APP: variants seen among roughly 807,000 people sequenced by gnomAD.
APP encodes the protein amyloid beta precursor protein.
A neutral mutation model predicts 101.4 loss-of-function variants in APP; 31 were observed. The observed-to-expected ratio is 0.31, with a 90% confidence interval of 0.23 to 0.41. APP has a LOEUF of 0.41. Among genes scored for constraint, APP ranks in the 10% least tolerant of loss-of-function variants. The pLI is 1.00. For synonymous variants in APP, 366 were observed against 364.4 expected, an observed-to-expected ratio of 1.00 and a Z score of -0.05; for missense variants, 839 against 1,003.7, an observed-to-expected ratio of 0.84 and a Z score of 2.22.
chr21:26,016,221 C>T (rs1424907886), intron 6 of APP, among the ~76,000 whole-genome samples: 4 of 152,012 alleles, frequency 2.6e-5, no homozygotes, highest in Admixed American at 6.6e-5. Flanking sequence ...TTAGTGAAGA[C>T]GGGGTTTCAC....
rs1320589856 is a variant in APP at position 25,911,844 on chromosome 21, G to A, written c.1806C>T (p.Thr602=). The change falls in exon 14 of 18, where the codon ACC becomes ACT. Residue 602 remains threonine, a synonymous_variant. Coordinates refer to ENST00000346798, the MANE Select transcript of APP (RefSeq NM_000484.4). ...CATTCACGGGAAGGAGCTCCACGGT[G>A]GTTTTCGTTTCGGTCAAAGATGGCA... ...ALMPSLTETK[T]TVELLPVNGE... 4 of 1,614,006 alleles carry A rather than the reference G, an allele frequency of 2.5e-6. No homozygotes were observed. The highest frequency in any genetic ancestry group is 1.7e-5 in the Admixed American group (1 of 59,994).
chr21:26,026,706 C>T (rs929471650), intron 5 of APP, among the ~76,000 whole-genome samples: 1 of 152,110 alleles, frequency 6.6e-6, no homozygotes, highest in African/African-American at 2.4e-5. Flanking sequence ...AAGAGAGGGT[C>T]GAACAGGAGG....
At chr21:26,055,856 C>T (rs991810891) in intron 3 of APP, among the ~76,000 whole-genome samples, 21 of 152,118 alleles carry the variant, frequency 1.4e-4, no homozygotes, top group Non-Finnish European at 5.9e-5. Flanking sequence ...CAGATACACT[C>T]GACCTTGGCC....
At position 25,918,540 on chromosome 21, in the gene APP, G is replaced by A. The variant is rs1394127709; in HGVS notation, c.1688-6578C>T. ...TGGGTGCGTGCACCGTGCGCGAGCC[G>A]AAGCAGGGCGAGGCATTGCCTCACC... On this transcript the variant is annotated intron_variant, in intron 13 of 17. Coordinates refer to ENST00000346798, the MANE Select transcript of APP (RefSeq NM_000484.4). Among the ~76,000 whole-genome samples, 5 of 152,154 alleles carry A rather than the reference G, an allele frequency of 3.3e-5. No homozygotes were observed. The East Asian group carries it at 7.7e-4, about 24-fold the overall frequency.
At chr21:26,064,925 C>T (rs2146011882) in intron 3 of APP, among the ~76,000 whole-genome samples, 1 of 152,328 alleles carries the variant, frequency 6.6e-6, no homozygotes, top group East Asian at 1.9e-4. Context: ...GTGATCTTGG[C>T]TCACTGCAAC....
chr21:26,015,353 AATTT>A (rs2044005874), intron 6 of APP, among the ~76,000 whole-genome samples: 1 of 152,218 alleles, frequency 6.6e-6, no homozygotes, highest in Non-Finnish European at 1.5e-5. Flanking sequence ...TAAATTAATT[AATTT>A]AATCCTCACA....
chr21:25,926,890 C>A (rs1444196939), intron 13 of APP, among the ~76,000 whole-genome samples: 2 of 150,304 alleles, frequency 1.3e-5, no homozygotes, highest in Non-Finnish European at 2.9e-5. Flanking sequence ...GTAGTCCCAG[C>A]TACTCGGGAG....
chr21:26,131,562 T>G (rs1253402416), intron 1 of APP, among the ~76,000 whole-genome samples: 1 of 152,134 alleles, frequency 6.6e-6, no homozygotes, highest in Non-Finnish European at 1.5e-5. Context: ...AATAAGAAAA[T>G]TTATACTATA....
At chr21:25,954,793 C>A in intron 12 of APP, 104 bp from the exon 13 acceptor site, 1 of 973,702 alleles carries the variant, frequency 1.0e-6, no homozygotes, top group South Asian at 1.4e-5. Context: ...CTCGCTCTGT[C>A]GCCCAGGTTA....
At chr21:25,986,423 C>T (rs753969074) in intron 8 of APP, among the ~76,000 whole-genome samples, 1 of 152,082 alleles carries the variant, frequency 6.6e-6, no homozygotes, top group Admixed American at 6.6e-5. Flanking sequence ...GCTAGGATTT[C>T]GGCCGGATGG....
intron 14 of APP, among the ~76,000 whole-genome samples, chr21:25,907,939 T>A (rs1369192210): frequency 1.3e-5 from 2 of 150,466 alleles, no homozygotes; most frequent in African/African-American, 5.0e-5. Context: ...ATTTTGCAAA[T>A]ACATCCATAC....
At chr21:25,966,065 A>G (rs1568774200) in intron 11 of APP, among the ~76,000 whole-genome samples, 1 of 152,172 alleles carries the variant, frequency 6.6e-6, no homozygotes, top group South Asian at 2.1e-4. Flanking sequence ...CCTTCCCAAC[A>G]TACTTCTTAA....
chr21:25,955,312 G>A (rs140974575), intron 12 of APP, among the ~76,000 whole-genome samples: 1 of 152,248 alleles, frequency 6.6e-6, no homozygotes, highest in African/African-American at 2.4e-5. Flanking sequence ...CCATACTTCA[G>A]TTGAACCAGT....
chr21:25,992,775 T>C (rs1009858050), intron 8 of APP, among the ~76,000 whole-genome samples: 1 of 152,234 alleles, frequency 6.6e-6, no homozygotes, highest in Non-Finnish European at 1.5e-5. Flanking sequence ...TCACATCTTT[T>C]AATGCTTTAA....
At chr21:26,170,503 T>G in intron 1 of APP, 61 bp downstream of exon 1, 1 of 1,506,756 alleles carries the variant, frequency 6.6e-7, no homozygotes, top group Non-Finnish European at 8.9e-7. Flanking sequence ...GGTTAAGGTC[T>G]TGGGGGGTAT....
chr21:26,146,965 T>C (rs892531956), intron 1 of APP, among the ~76,000 whole-genome samples: 3 of 152,214 alleles, frequency 2.0e-5, no homozygotes, highest in African/African-American at 7.2e-5. Flanking sequence ...ATCTTTCCCC[T>C]TTCTGATGTA....
At chr21:26,152,146 G>T (rs929794037) in intron 1 of APP, among the ~76,000 whole-genome samples, 1 of 151,782 alleles carries the variant, frequency 6.6e-6, no homozygotes, top group African/African-American at 2.4e-5. Flanking sequence ...TTAGCCGGGC[G>T]TGGTGGCGGG....
intron 5 of APP, among the ~76,000 whole-genome samples, chr21:26,040,960 T>C (rs2146862839): frequency 6.6e-6 from 1 of 152,308 alleles, no homozygotes. Context: ...CCTAGTAAAC[T>C]AAAAGTGTTA....
At chr21:26,030,670 A>T (rs573174641) in intron 5 of APP, among the ~76,000 whole-genome samples, 1 of 152,330 alleles carries the variant, frequency 6.6e-6, no homozygotes, top group East Asian at 1.9e-4. Flanking sequence ...TGAACCAACT[A>T]GAATTAAGGA....
Sources: gnomAD v4.1 joint callset for allele counts (sites outside exome capture counted in the v4.1 genomes callset) on GRCh38, gnomAD v4.1.1 for gene constraint, MANE v1.5 for transcripts, NCBI Gene and HGNC (gene_info 2026-07-23, HGNC 2026-07-21) for gene names.